TEX11: variants seen among roughly 807,000 people sequenced by gnomAD.
TEX11 encodes the protein testis expressed 11, also known as testis-expressed protein 11.
Under a neutral mutation model 84.4 loss-of-function variants are expected in TEX11, and 7 were observed. The ratio of observed to expected loss-of-function variants is 0.08; its 90% CI spans 0.05 to 0.16. The LOEUF (loss-of-function observed/expected upper bound fraction) is 0.16, where lower values mean the gene tolerates loss of function less well. Among genes scored for constraint, TEX11 ranks in the 10% least tolerant of loss-of-function variants. TEX11 has a pLI of 1.00. For synonymous variants in TEX11, 264 were observed against 222.8 expected (o/e 1.18, Z -1.64); for missense variants, 551 against 660.5 (o/e 0.83, Z 1.82).
chrX:70,839,660 G>A (rs1051924242), intron 7 of TEX11, among the ~76,000 whole-genome samples: 6 of 112,022 alleles, frequency 5.4e-5, no homozygotes, highest in African/African-American at 1.9e-4. Context: ...GACGAGCTGA[G>A]AGAAGAAGGC....
intron 8 of TEX11, among the ~76,000 whole-genome samples, chrX:70,825,478 A>G (rs1462813622): frequency 9.0e-6 from 1 of 110,813 alleles, no homozygotes; most frequent in East Asian, 2.8e-4. Context: ...AGGGCTTTAA[A>G]TCAGATGTTT....
At chrX:70,551,683 C>T (rs1163684058) in intron 28 of TEX11, among the ~76,000 whole-genome samples, 3 of 111,683 alleles carry the variant, frequency 2.7e-5, no homozygotes, top group East Asian at 5.6e-4. Context: ...AATTTTAAAA[C>T]AACTGAATAA....
intron 3 of TEX11, among the ~76,000 whole-genome samples, chrX:70,874,064 A>T (rs1271120033): frequency 3.6e-5 from 4 of 110,664 alleles, no homozygotes; most frequent in Non-Finnish European, 7.6e-5. Context: ...TCTGATTCTT[A>T]AAAAAGAGCC....
intron 16 of TEX11, among the ~76,000 whole-genome samples, chrX:70,661,596 C>T (rs2089927776): frequency 8.9e-6 from 1 of 111,907 alleles, no homozygotes; most frequent in Non-Finnish European, 1.9e-5. Context: ...GTCCCTGACC[C>T]CCAAGTAGCC....
chrX:70,842,519 A>T (rs965364955), intron 7 of TEX11, among the ~76,000 whole-genome samples: 9 of 112,065 alleles, frequency 8.0e-5, no homozygotes, highest in African/African-American at 1.6e-4. Context: ...ACCCACAGCC[A>T]ATATCATACT....
At chrX:70,675,746 C>T (rs771723719) in intron 15 of TEX11, among the ~76,000 whole-genome samples, 127 of 111,293 alleles carry the variant, frequency 1.1e-3, no homozygotes, top group African/African-American at 4.1e-3. Flanking sequence ...TCTCCTGCCT[C>T]AGCCTCCTGA....
rs190973374 is a variant in TEX11, at chrX:70,586,718, G to C, written c.2140+5033C>G. 3.5e-3 allele frequency among the ~76,000 whole-genome samples: 396 copies of C among 112,020 alleles called. 3 individuals are homozygous for C. The highest frequency in any genetic ancestry group is 0.012 in the African/African-American group (376 of 30,888). On this transcript the variant is annotated intron_variant, in intron 25 of 29. Transcript: ENST00000374333. Reference sequence around the variant, plus strand: ...AGAAATTAAGATACATTTCCTGGTGGGAATGTAAAATGGCGAGAATGGACT... The same window carrying C: ...AGAAATTAAGATACATTTCCTGGTGCGAATGTAAAATGGCGAGAATGGACT...
intron 25 of TEX11, among the ~76,000 whole-genome samples, chrX:70,580,823 T>C (rs1260458842): frequency 8.9e-6 from 1 of 112,130 alleles, no homozygotes. Context: ...CTGACAAACT[T>C]TTATTTCAGC....
chrX:70,649,183 T>C (rs1004260904), intron 17 of TEX11, among the ~76,000 whole-genome samples: 2 of 112,295 alleles, frequency 1.8e-5, no homozygotes, highest in African/African-American at 6.5e-5. Flanking sequence ...AACACACGTG[T>C]GCATGTATCT....
At chrX:70,523,844 A>T in the TEX11 span, among the ~76,000 whole-genome samples, 1 of 107,731 alleles carries the variant, frequency 9.3e-6, no homozygotes, top group Non-Finnish European at 1.9e-5. Flanking sequence ...ATCCCAAGCA[A>T]GTTTCTGGAA....
At chrX:70,632,479 T>G (rs745768448) in intron 17 of TEX11, among the ~76,000 whole-genome samples, 15 of 111,224 alleles carry the variant, frequency 1.3e-4, no homozygotes, top group Non-Finnish European at 2.8e-4. Flanking sequence ...TGTAGTGGCA[T>G]GCACCTGTGG....
intron 2 of TEX11, among the ~76,000 whole-genome samples, chrX:70,901,534 C>T (rs139772827): frequency 1.5e-3 from 167 of 111,868 alleles, no homozygotes; most frequent in African/African-American, 5.1e-3. Flanking sequence ...ACTGTTCTAC[C>T]TCAGATCAAC....
chrX:70,522,595 G>A, the TEX11 span, among the ~76,000 whole-genome samples: 43 of 111,378 alleles, frequency 3.9e-4, no homozygotes, highest in African/African-American at 1.1e-3. Flanking sequence ...GTGCAATGGC[G>A]CAATCTCAGC....
intron 11 of TEX11, among the ~76,000 whole-genome samples, chrX:70,731,370 T>C (rs1425536489): frequency 9.1e-6 from 1 of 109,809 alleles, no homozygotes; most frequent in African/African-American, 3.3e-5. Context: ...CAGGAGCTGG[T>C]TTTTTGAAAA....
intron 2 of TEX11, among the ~76,000 whole-genome samples, chrX:70,885,450 A>G (rs932698841): frequency 8.9e-6 from 1 of 111,876 alleles, no homozygotes; most frequent in Non-Finnish European, 1.9e-5. Context: ...ATTTTAAAGT[A>G]CCAAAAATTT....
In TEX11 at chrX:70,881,326, C is replaced by CA. The variant is rs773436735; in HGVS notation, c.38-1218dup. Among the ~76,000 whole-genome samples, 356 of 61,719 alleles carry CA rather than the reference C, an allele frequency of 5.8e-3. 1 individual carries two copies. The highest frequency in any genetic ancestry group is 0.014 in the East Asian group (27 of 1,927). 53.6% of individuals were successfully genotyped at this position (61,719 alleles called of 115,157 possible). ...TGGGCAACAGAGCAAGACTGTGTCTCAAAAAAAAAAAAAAAACTAAAACTA... is the reference window on the plus strand; with the variant it reads ...TGGGCAACAGAGCAAGACTGTGTCTCAAAAAAAAAAAAAAAAACTAAAACTA... On this transcript the variant is annotated intron_variant, in intron 2 of 29. Coordinates refer to ENST00000374333, the MANE Select transcript of TEX11 (RefSeq NM_031276.3).
chrX:70,698,642 G>C (rs2090301429), intron 13 of TEX11, among the ~76,000 whole-genome samples: 1 of 110,750 alleles, frequency 9.0e-6, no homozygotes, highest in African/African-American at 3.3e-5. Flanking sequence ...TCTCTGTTGT[G>C]CATGCAAGGA....
intron 7 of TEX11, among the ~76,000 whole-genome samples, chrX:70,844,335 A>C (rs1401403642): frequency 9.2e-6 from 1 of 108,379 alleles, no homozygotes; most frequent in Non-Finnish European, 1.9e-5. Flanking sequence ...ACTGGAAGCC[A>C]TCATTCTCAG....
At chrX:70,864,128 A>G in intron 4 of TEX11, among the ~76,000 whole-genome samples, 1 of 111,734 alleles carries the variant, frequency 8.9e-6, no homozygotes, top group Non-Finnish European at 1.9e-5. Flanking sequence ...TGAAAGTGAC[A>G]GGGAGAATGG....
Sources: gnomAD v4.1 joint callset for allele counts (sites outside exome capture counted in the v4.1 genomes callset) on GRCh38, gnomAD v4.1.1 for gene constraint, MANE v1.5 for transcripts, NCBI Gene and HGNC (gene_info 2026-07-23, HGNC 2026-07-21) for gene names.